Variants in ADAMTS19 observed in about 807,000 individuals in gnomAD.
The protein encoded by ADAMTS19 is A disintegrin and metalloproteinase with thrombospondin motifs 19.
ADAMTS19 carries 93 observed loss-of-function variants against 153.3 expected under a neutral mutation model. The ratio of observed to expected loss-of-function variants is 0.61; its 90% CI spans 0.51 to 0.72. The LOEUF (loss-of-function observed/expected upper bound fraction) is 0.72. Ranked by LOEUF, ADAMTS19 falls within the 30% of genes least tolerant of loss-of-function variation. The probability of loss-of-function intolerance (pLI) is 0.00; values close to 1 mark genes in which losing one functional copy is unlikely to be tolerated. For missense variants in ADAMTS19, 1,482 were observed against 1,552.1 expected, an observed-to-expected ratio of 0.95 and a Z score of 0.76; for synonymous variants, 600 against 556.6, an observed-to-expected ratio of 1.08 and a Z score of -1.10.
intron 18 of ADAMTS19, among the ~76,000 whole-genome samples, chr5:129,690,819 GAA>G (rs1265468835): frequency 2.6e-5 from 4 of 151,700 alleles, no homozygotes; most frequent in Non-Finnish European, 4.4e-5. Context: ...AATTTTAAAA[GAA>G]AATTATAAAA....
chr5:129,566,068 T>C (rs1207780520), intron 7 of ADAMTS19, among the ~76,000 whole-genome samples: 3 of 152,192 alleles, frequency 2.0e-5, no homozygotes, highest in Admixed American at 6.5e-5. Flanking sequence ...TGACAAAATA[T>C]AGAAACTGTA....
chr5:129,652,143 C>A lies in ADAMTS19; in HGVS notation c.2177-2163C>A, dbSNP rs74993904. 4.4e-3 allele frequency among the ~76,000 whole-genome samples: 668 copies of A among 152,300 alleles called. 5 individuals carry two copies. Among genetic ancestry groups the A allele is most frequent in the East Asian group, 0.026 (133 of 5,174 alleles). ...TGATGTATATCATCAAAATAATCCACAATACCTATTTGTATAATCAGCAGG... is the reference window on the plus strand; with the variant it reads ...TGATGTATATCATCAAAATAATCCAAAATACCTATTTGTATAATCAGCAGG... On this transcript the variant is annotated intron_variant, in intron 13 of 22. Coordinates refer to ENST00000274487, the MANE Select transcript of ADAMTS19 (RefSeq NM_133638.6).
intron 16 of ADAMTS19, among the ~76,000 whole-genome samples, chr5:129,669,088 G>GTATGTATATATA (rs1554104449): frequency 1.3e-5 from 2 of 149,040 alleles, no homozygotes; most frequent in African/African-American, 4.9e-5. Context: ...ATATATATGT[G>GTATGTATATATA]TATATATATA....
At chr5:129,602,238 A>G (rs999895370) in intron 8 of ADAMTS19, among the ~76,000 whole-genome samples, 9 of 152,100 alleles carry the variant, frequency 5.9e-5, no homozygotes, top group Admixed American at 1.3e-4. Context: ...GATTACAGGC[A>G]TGTGCCACCA....
At chr5:129,724,408 C>A (rs1470847370) in intron 21 of ADAMTS19, among the ~76,000 whole-genome samples, 3 of 152,080 alleles carry the variant, frequency 2.0e-5, no homozygotes, top group Non-Finnish European at 2.9e-5. Context: ...CAGGTGTGTT[C>A]TATTGTTACC....
At position 129,500,380 on chromosome 5, in the gene ADAMTS19, C is replaced by T. The variant is rs142774207; in HGVS notation, c.748-8697C>T. Reference sequence around the variant, plus strand: ...TTTGGGATATTATTGCTGAGCTCCGCATTTGCCAAGTGCTTTAAATGGAGA... The same window carrying T: ...TTTGGGATATTATTGCTGAGCTCCGTATTTGCCAAGTGCTTTAAATGGAGA... On this transcript the variant is annotated intron_variant, in intron 2 of 22. Transcript: ENST00000274487. 3.9e-5 allele frequency: 6 copies of T among 152,232 alleles called. No homozygotes were observed. In the East Asian group the frequency reaches 1.2e-3, roughly 29 times the overall value. The allele number at this position is 152,232 out of a possible 1,614,324, so 9.4% of individuals were successfully genotyped here.
At chr5:129,466,664 T>C (rs561209574) in intron 2 of ADAMTS19, among the ~76,000 whole-genome samples, 6 of 152,200 alleles carry the variant, frequency 3.9e-5, no homozygotes, top group Admixed American at 6.5e-5. Flanking sequence ...AAGCCATTGA[T>C]TAATAGGTCT....
chr5:129,608,846 CAAAAAAAAAAGA>C (rs1359908253), intron 8 of ADAMTS19, among the ~76,000 whole-genome samples: 1 of 130,682 alleles, frequency 7.7e-6, no homozygotes, highest in African/African-American at 3.0e-5. Flanking sequence ...GACTCTGTCT[CAAAAAAAAAAGA>C]AAAAAAAAAA....
chr5:129,636,046 G>T (rs1210752035), intron 10 of ADAMTS19, among the ~76,000 whole-genome samples: 1 of 152,058 alleles, frequency 6.6e-6, no homozygotes, highest in East Asian at 1.9e-4. Context: ...ATAGGTGCCT[G>T]CCACCACGTC....
chr5:129,476,819 T>G (rs1478015974), intron 2 of ADAMTS19, among the ~76,000 whole-genome samples: 1 of 152,134 alleles, frequency 6.6e-6, no homozygotes, highest in Non-Finnish European at 1.5e-5. Flanking sequence ...CAATGAAAAT[T>G]TTCTCATTTT....
chr5:129,694,987 G>T, intron 19 of ADAMTS19, 132 bp downstream of exon 19: 6 of 1,154,998 alleles, frequency 5.2e-6, no homozygotes, highest in Non-Finnish European at 6.9e-6. Flanking sequence ...AAAATTTAAA[G>T]TCTTAAATAA....
At chr5:129,500,422 A>G (rs955344) in intron 2 of ADAMTS19, 17,314 of 152,090 alleles carry the variant, frequency 0.11, 1,108 homozygotes, top group Middle Eastern at 0.16. Context: ...CATGGGTCAC[A>G]TTTGTGGCTT....
Position 129,509,384 on chromosome 5 carries a change from A to G in ADAMTS19, c.913+142A>G, listed in dbSNP as rs868495719. 8.5e-6 allele frequency: 7 copies of G among 822,428 alleles called. No individual in the cohort carries two copies. The Middle Eastern group carries it at 1.1e-3, about 127-fold the overall frequency. The allele number at this position is 822,428 out of a possible 1,614,324, so 50.9% of individuals were successfully genotyped here. A position where few individuals can be genotyped will look rare whatever the true frequency, so the allele number is the denominator to read the frequency against. ...TTAGTAACAATTAAATGTATCAATTATAGGATTATCTTTTAGTTTTTTATG... is the reference window on the plus strand; with the variant it reads ...TTAGTAACAATTAAATGTATCAATTGTAGGATTATCTTTTAGTTTTTTATG... On this transcript the variant is annotated intron_variant, in intron 3 of 22. Coordinates refer to ENST00000274487, the MANE Select transcript of ADAMTS19 (RefSeq NM_133638.6).
intron 20 of ADAMTS19, 107 bp from the exon 21 acceptor site, chr5:129,704,132 G>A: frequency 8.8e-7 from 1 of 1,139,280 alleles, no homozygotes; most frequent in Non-Finnish European, 1.2e-6. Context: ...TGGCTTTTAT[G>A]GGTGATGGGC....
chr5:129,537,260 A>T (rs931309850), intron 6 of ADAMTS19, among the ~76,000 whole-genome samples: 1 of 152,114 alleles, frequency 6.6e-6, no homozygotes, highest in Non-Finnish European at 1.5e-5. Flanking sequence ...GGCAATCATT[A>T]AAAGGTCAGG....
chr5:129,563,677 A>T (rs1377816004), intron 7 of ADAMTS19, among the ~76,000 whole-genome samples: 2 of 152,190 alleles, frequency 1.3e-5, no homozygotes, highest in Non-Finnish European at 2.9e-5. Context: ...TTGAATATTT[A>T]GAGGTCTTCA....
chr5:129,648,520 T>C (rs1431381935), intron 12 of ADAMTS19, among the ~76,000 whole-genome samples: 1 of 152,198 alleles, frequency 6.6e-6, no homozygotes, highest in Non-Finnish European at 1.5e-5. Context: ...CTATTTTCCC[T>C]TCAGTTTCTG....
intron 21 of ADAMTS19, among the ~76,000 whole-genome samples, chr5:129,725,131 C>A (rs1241059328): frequency 6.6e-6 from 1 of 152,134 alleles, no homozygotes; most frequent in Non-Finnish European, 1.5e-5. Context: ...CTGACTCTCA[C>A]AAACTGCCTA....
intron 7 of ADAMTS19, among the ~76,000 whole-genome samples, chr5:129,592,866 T>C (rs1363900262): frequency 6.6e-6 from 1 of 152,234 alleles, no homozygotes; most frequent in Admixed American, 6.5e-5. Flanking sequence ...TTCATATGAA[T>C]ATATGATGGT....
Sources: allele counts gnomAD v4.1 joint callset (sites outside exome capture counted in the v4.1 genomes callset), GRCh38; gene constraint gnomAD v4.1.1; transcripts MANE v1.5; gene names NCBI Gene and HGNC (gene_info 2026-07-23, HGNC 2026-07-21).